The following TIGD6 variants were observed in gnomAD, a reference collection of about 807,000 sequenced individuals.
TIGD6 encodes tigger transposable element derived 6.
A neutral mutation model predicts 2.6 loss-of-function variants in TIGD6; 1 was observed. The observed-to-expected ratio is 0.39, with a 90% CI of 0.14 to 1.85. The LOEUF (loss-of-function observed/expected upper bound fraction) is 1.85. TIGD6 is among the 40% of genes most tolerant of loss of function. The probability of loss-of-function intolerance (pLI) is 0.32; values close to 1 mark genes in which losing one functional copy is unlikely to be tolerated. For synonymous variants in TIGD6, 193 were observed against 221.9 expected (o/e 0.87, Z 1.16); for missense variants, 601 against 634.2 (o/e 0.95, Z 0.56).
chr5:149,995,266 C>T lies in TIGD6; in HGVS notation c.1083G>A (p.Trp361Ter). 6.2e-7 allele frequency: 1 copy of T among 1,614,240 alleles called. No homozygotes were observed. Among genetic ancestry groups the T allele is most frequent in the Admixed American group, 1.7e-5 (1 of 60,032 alleles). The change falls in exon 2 of 2, where the codon TGG becomes TGA. Residue 361 changes from tryptophan (W) to a stop codon, truncating the protein, a stop_gained. Transcript: ENST00000296736. LOFTEE classifies it low-confidence loss of function (END_TRUNC). ...TCACCACTGTGGATGGCTTGACTGA[C>T]CACCACGCTGCAGCAATCATGTCGA... ...QAIDMIAAAWWSVKPSTVVKC... is the reference protein window; with the variant it reads ...QAIDMIAAAW
At position 149,993,888 on chromosome 5, in the gene TIGD6, G is replaced by A. The variant is rs1375275824; in HGVS notation, c.*895C>T. The stretch of plus-strand genomic sequence containing the variant: ...GCCTGTGAATAACCACTGCATTCCA[G>A]CCTAGGCAATATAACAAGACCCCAT... On this transcript the variant is annotated 3_prime_UTR_variant, in exon 2 of 2. Coordinates refer to ENST00000296736, the MANE Select transcript of TIGD6 (RefSeq NM_030953.4). 2 of 152,170 alleles carry A rather than the reference G, an allele frequency of 1.3e-5. No homozygotes were observed. The highest frequency in any genetic ancestry group is 2.1e-4 in the South Asian group (1 of 4,834). 9.4% of individuals were successfully genotyped at this position (152,170 alleles called of 1,614,324 possible).
chr5:149,993,936 A>AAACG lies in TIGD6; in HGVS notation c.*843_*846dup, dbSNP rs138254666. ...CATCTTTAAAAACAAACAAACAAAC[A>AAACG]AACGAACGAACAAACAGAAGTCTTG... On this transcript the variant is annotated 3_prime_UTR_variant, in exon 2 of 2. Transcript: ENST00000296736. 6.6e-6 allele frequency: 1 copy of AAACG among 152,106 alleles called. No individual in the cohort carries two copies. The highest frequency in any genetic ancestry group is 1.9e-4 in the East Asian group (1 of 5,178). 9.4% of individuals were successfully genotyped at this position (152,106 alleles called of 1,614,324 possible).
intron 1 of TIGD6, 25 bp from the exon 2 acceptor site, chr5:149,996,454 A>G (rs1466815585): frequency 1.4e-6 from 2 of 1,441,428 alleles, no homozygotes; most frequent in Admixed American, 2.4e-5. Flanking sequence ...TGGAGTACCT[A>G]TCAGGAAACA....
Position 149,996,195 on chromosome 5 carries a change from T to G in TIGD6, c.154A>C (p.Thr52Pro). 1 of 1,614,226 alleles carries G rather than the reference T, an allele frequency of 6.2e-7. No homozygotes were observed. Among genetic ancestry groups the G allele is most frequent in the Non-Finnish European group, 8.5e-7 (1 of 1,180,038 alleles). The change falls in exon 2 of 2, where the codon ACC becomes CCC. Residue 52 changes from threonine to proline, a missense_variant. By Grantham distance (38) the Thr-to-Pro change is conservative. Transcript: ENST00000296736. ...STLSTFLKDR[T>P]KFEEKVREAS... ...TCCCGCACCTTTTCTTCAAATTTGG[T>G]GCGATCCTTTAAGAATGTAGATAAA... is the stretch of plus-strand genomic sequence containing the variant.
chr5:149,994,969 C>T lies in TIGD6; in HGVS notation c.1380G>A (p.Glu460=). The T allele has an allele frequency of 6.2e-7, 1 of 1,612,940 alleles. No homozygotes were observed. Among genetic ancestry groups the T allele is most frequent in the Non-Finnish European group, 8.5e-7 (1 of 1,179,162 alleles). Residue 460 remains glutamate (E), a synonymous_variant, in exon 2 of 2, where the codon GAG becomes GAA. Coordinates refer to ENST00000296736, the MANE Select transcript of TIGD6 (RefSeq NM_030953.4). ...CTTCTGTGATGGTGACTTTTGGTTG[C>T]TCTGGTAAAGATACCTCCCCTTCAT... ...SEDEGEVSLP[E]QPKVTITEAI...
At position 149,996,301 on chromosome 5, in the gene TIGD6, C is replaced by G; in HGVS notation, c.48G>C (p.Glu16Asp). ...CTACAGCTCCCACAACTTTCATTTTCTCCTCCAGAGAGAACTGCCGACGCT... is the reference window on the plus strand; with the variant it reads ...CTACAGCTCCCACAACTTTCATTTTGTCCTCCAGAGAGAACTGCCGACGCT... ...NKKRRQFSLE[E>D]KMKVVGAVDS... Residue 16 changes from glutamate to aspartate, a missense_variant, in exon 2 of 2, where the codon GAG (glutamate) becomes GAC (aspartate). Transcript: ENST00000296736. The G allele has an allele frequency of 6.2e-7, 1 of 1,613,622 alleles. No individual in the cohort carries two copies. Among genetic ancestry groups the G allele is most frequent in the Non-Finnish European group, 8.5e-7 (1 of 1,179,854 alleles).
In TIGD6 at chr5:149,996,439, C is replaced by T. The variant is rs2113710968; in HGVS notation, c.-81-10G>A. On this transcript the variant is annotated splice_polypyrimidine_tract_variant and intron_variant, in intron 1 of 1. Coordinates refer to ENST00000296736, the MANE Select transcript of TIGD6 (RefSeq NM_030953.4). ...CCCCAAGTGTGGAAAGCTGAGAAGA[C>T]AAAATGGAGTACCTATCAGGAAACA... 1.3e-6 allele frequency: 2 copies of T among 1,489,808 alleles called. No homozygotes were observed. Among genetic ancestry groups the T allele is most frequent in the Non-Finnish European group, 1.8e-6 (2 of 1,115,488 alleles). 92.3% of individuals were successfully genotyped at this position (1,489,808 alleles called of 1,614,324 possible).
intron 1 of TIGD6, among the ~76,000 whole-genome samples, chr5:149,997,428 C>T (rs1355657357): frequency 1.3e-5 from 2 of 151,788 alleles, no homozygotes; most frequent in Non-Finnish European, 2.9e-5. Context: ...ATCCCAGCTA[C>T]TTGGGATGCT....
rs375044125 is a variant in TIGD6, at chr5:149,994,798, G to A, written c.1551C>T (p.Phe517=). The A allele has an allele frequency of 6.6e-7, 1 of 1,520,056 alleles. No individual in the cohort carries two copies. The allele number at this position is 1,520,056 out of a possible 1,614,324, so 94.2% of individuals were successfully genotyped here. ...AATTCCTGCATTATTTTGTTTGGAG[G>A]AAATCTGTAATTTTGGAATCAATAA... ...QTLIDSKITD[F]LQTK is the part of the protein sequence containing the mutation. Residue 517 remains phenylalanine, a synonymous_variant, in exon 2 of 2, where the codon TTC becomes TTT. Transcript: ENST00000296736.
intron 1 of TIGD6, 77 bp from the exon 2 acceptor site, chr5:149,996,506 G>C (rs542639228): frequency 9.1e-7 from 1 of 1,101,642 alleles, no homozygotes; most frequent in Admixed American, 2.9e-5. Flanking sequence ...TTTACAAATT[G>C]TATTAGGAAA....
rs138935709 is a variant in TIGD6, at chr5:149,999,471, G to C, written c.-82+1003C>G. ...TGAGATAATGGTGGCTTGGATTAGA[G>C]TAGTAATAGAGAGATGGTGAGTAGT... On this transcript the variant is annotated intron_variant, in intron 1 of 1. Transcript: ENST00000296736. 2.8e-3 allele frequency among the ~76,000 whole-genome samples: 421 copies of C among 152,264 alleles called. 2 individuals carry two copies. Among genetic ancestry groups the C allele is most frequent in the African/African-American group, 9.8e-3 (406 of 41,540 alleles).
chr5:149,999,267 T>G (rs368434064), intron 1 of TIGD6, among the ~76,000 whole-genome samples: 3 of 152,112 alleles, frequency 2.0e-5, no homozygotes, highest in African/African-American at 7.2e-5. Flanking sequence ...ATGGGTAAAG[T>G]TGATTTTCCT....
rs1422317673 is a variant in TIGD6, at chr5:149,995,474, A to C, written c.875T>G (p.Leu292Arg). 1 of 1,614,260 alleles carries C rather than the reference A, an allele frequency of 6.2e-7. No individual in the cohort carries two copies. Among genetic ancestry groups the C allele is most frequent in the South Asian group, 1.1e-5 (1 of 91,082 alleles). The change falls in exon 2 of 2, where the codon CTT (leucine) becomes CGT (arginine). Residue 292 changes from leucine (L) to arginine (R), a missense_variant. By Grantham distance (102) the Leu-to-Arg change is moderately radical. Coordinates refer to ENST00000296736, the MANE Select transcript of TIGD6 (RefSeq NM_030953.4). ...LIDNCSAHNM[L>R]PHLERIQVGY... ...AACCTGAATCCTTTCCAAGTGTGGA[A>C]GCATGTTATGAGCAGAGCAGTTGTC...
chr5:150,000,184 T>C (rs1029050917), intron 1 of TIGD6: 2 of 154,442 alleles, frequency 1.3e-5, no homozygotes, highest in African/African-American at 4.8e-5. Context: ...CATACGGTCA[T>C]TCAGCTCAGC....
At position 149,996,056 on chromosome 5, in the gene TIGD6, C is replaced by G. The variant is rs779086231; in HGVS notation, c.293G>C (p.Gly98Ala). 1 of 1,613,332 alleles carries G rather than the reference C, an allele frequency of 6.2e-7. No individual in the cohort carries two copies. The highest frequency in any genetic ancestry group is 1.1e-5 in the South Asian group (1 of 91,078). ...TAGTGCTTTTTTCCGAATGACAGAA[C>G]CAGTCACAAGAATGTTTTTGGCATG... ...EIHAKNILVT[G>A]SVIRKKALNL... Residue 98 changes from glycine (G) to alanine (A), a missense_variant, in exon 2 of 2, where the codon GGT becomes GCT. Transcript: ENST00000296736.
At chr5:149,997,267 A>G (rs1419168892) in intron 1 of TIGD6, among the ~76,000 whole-genome samples, 2 of 152,248 alleles carry the variant, frequency 1.3e-5, no homozygotes, top group Non-Finnish European at 2.9e-5. Flanking sequence ...GCAAAACCTC[A>G]AAAGCAAAAA....
rs200987734 is a variant in TIGD6, at chr5:149,995,665, A to G, written c.684T>C (p.Ile228=). The G allele has an allele frequency of 2.7e-5, 43 of 1,614,034 alleles. No homozygotes were observed. Among genetic ancestry groups the G allele is most frequent in the Middle Eastern group, 1.6e-4 (1 of 6,084 alleles). ...AGTGTGGGCTGGCTGACCTACCAAC[A>G]ATCAATGGTCTCATTTTTTCAGTCC... is the stretch of plus-strand genomic sequence containing the variant. ...ASGTEKMRPL[I]VGRSASPHCL... Residue 228 remains isoleucine, a synonymous_variant, in exon 2 of 2, where the codon ATT becomes ATC. Transcript: ENST00000296736.
chr5:149,999,561 C>A (rs1356205692), intron 1 of TIGD6, among the ~76,000 whole-genome samples: 1 of 152,150 alleles, frequency 6.6e-6, no homozygotes, highest in African/African-American at 2.4e-5. Context: ...AAGGAGGAGT[C>A]AAGGATAACG....
At position 149,995,220 on chromosome 5, in the gene TIGD6, T is replaced by A; in HGVS notation, c.1129A>T (p.Ile377Phe). Reference protein sequence around the residue: ...TVVKCWQKAGIVPMEFAECDT... With the variant: ...TVVKCWQKAGFVPMEFAECDT... ...CATTCTGCAAATTCCATAGGGACGA[T>A]GCCTGCCTTCTGCCAACATTTCACC... is the stretch of plus-strand genomic sequence containing the variant. The change falls in exon 2 of 2, where the codon ATC (isoleucine) becomes TTC (phenylalanine). Residue 377 changes from isoleucine to phenylalanine, a missense_variant. Coordinates refer to ENST00000296736, the MANE Select transcript of TIGD6 (RefSeq NM_030953.4). The A allele has an allele frequency of 6.2e-7, 1 of 1,614,268 alleles. No homozygotes were observed. Among genetic ancestry groups the A allele is most frequent in the East Asian group, 2.2e-5 (1 of 44,890 alleles).
Sources: allele counts gnomAD v4.1 joint callset (sites outside exome capture counted in the v4.1 genomes callset), GRCh38; gene constraint gnomAD v4.1.1; transcripts MANE v1.5; gene names NCBI Gene and HGNC (gene_info 2026-07-23, HGNC 2026-07-21).